SMYD3: variants seen among roughly 807,000 people sequenced by gnomAD.
SMYD3 encodes the protein histone-lysine N-methyltransferase SMYD3.
In SMYD3, 36 loss-of-function variants were observed where a neutral mutation model predicts 57.7. The observed-to-expected ratio is 0.62, with a 90% CI of 0.48 to 0.82. The LOEUF is 0.82. SMYD3 is among the 40% of genes least tolerant of loss of function. The pLI, the probability that SMYD3 is intolerant of heterozygous loss-of-function variation, is 0.00. For missense variants in SMYD3, 515 were observed against 538.8 expected (o/e 0.96, Z 0.44); for synonymous variants, 211 against 195.0 (o/e 1.08, Z -0.68).
At chr1:246,225,483 A>G (rs1220483717) in intron 5 of SMYD3, among the ~76,000 whole-genome samples, 1 of 152,142 alleles carries the variant, frequency 6.6e-6, no homozygotes, top group African/African-American at 2.4e-5. Flanking sequence ...GGTGAGGAAC[A>G]GGGGAGAAGG....
At chr1:245,993,607 T>TAGAC (rs1558566234) in intron 5 of SMYD3, among the ~76,000 whole-genome samples, 4 of 76,706 alleles carry the variant, frequency 5.2e-5, no homozygotes, top group African/African-American at 2.2e-4. Context: ...GATAGATAGA[T>TAGAC]AGATAGATAG....
In SMYD3 at chr1:246,071,857, TTCGTGTGCTTTCCGCTGTGC is replaced by T. The variant is rs1166450827; in HGVS notation, c.532-141940_532-141921del. On this transcript the variant is annotated intron_variant, in intron 5 of 11. Transcript: ENST00000490107. ...GCTTCCTGTTAGTTCTGGGGAGGGATTCGTGTGCTTTCCGCTGTGCTCACTGTCGCTGCATCGTGTTAGTT... is the reference window on the plus strand; with the variant it reads ...GCTTCCTGTTAGTTCTGGGGAGGGATTCACTGTCGCTGCATCGTGTTAGTT... Among the ~76,000 whole-genome samples, 136 of 142,538 alleles carry T rather than the reference TTCGTGTGCTTTCCGCTGTGC, an allele frequency of 9.5e-4. 8 individuals are homozygous for T. Among genetic ancestry groups the T allele is most frequent in the Admixed American group, 2.0e-3 (29 of 14,390 alleles). 93.5% of individuals were successfully genotyped at this position (142,538 alleles called of 152,430 possible).
intron 8 of SMYD3, among the ~76,000 whole-genome samples, chr1:245,895,617 C>G (rs1224957234): frequency 6.6e-6 from 1 of 152,214 alleles, no homozygotes; most frequent in African/African-American, 2.4e-5. Flanking sequence ...TTGAATATAA[C>G]TTTTGCGCTA....
intron 1 of SMYD3, among the ~76,000 whole-genome samples, chr1:246,410,076 A>G (rs1300190072): frequency 6.6e-6 from 1 of 152,166 alleles, no homozygotes; most frequent in Non-Finnish European, 1.5e-5. Context: ...TTGGGCTGAG[A>G]TGATCGGGTT....
intron 1 of SMYD3, among the ~76,000 whole-genome samples, chr1:246,437,042 G>A (rs1034916483): frequency 2.6e-5 from 4 of 151,776 alleles, no homozygotes; most frequent in African/African-American, 4.8e-5. Flanking sequence ...TGGGATTACA[G>A]GCACCCGCCA....
intron 5 of SMYD3, among the ~76,000 whole-genome samples, chr1:246,238,258 T>C (rs1212441566): frequency 2.6e-5 from 4 of 152,118 alleles, no homozygotes; most frequent in Non-Finnish European, 4.4e-5. Flanking sequence ...CTCGAACTCC[T>C]GAGCTCAAGC....
At chr1:245,751,532 A>G (rs12751009) in intron 11 of SMYD3, among the ~76,000 whole-genome samples, 31 of 136,346 alleles carry the variant, frequency 2.3e-4, no homozygotes, top group Admixed American at 4.4e-4. Context: ...GAGAGAGAGA[A>G]AGAGAGAGAA....
chr1:246,072,005 A>T (rs28758466), intron 5 of SMYD3, among the ~76,000 whole-genome samples: 1,479 of 17,600 alleles, frequency 0.084, 213 homozygotes, highest in South Asian at 0.18. Context: ...CTGTGGATGC[A>T]TCGTGTAGTT....
chr1:246,297,706 T>C (rs2064821230), intron 5 of SMYD3, among the ~76,000 whole-genome samples: 1 of 152,176 alleles, frequency 6.6e-6, no homozygotes, highest in African/African-American at 2.4e-5. Flanking sequence ...TATTCTGATG[T>C]ATAAATACCA....
At chr1:246,148,555 G>A (rs567264323) in intron 5 of SMYD3, among the ~76,000 whole-genome samples, 1 of 152,282 alleles carries the variant, frequency 6.6e-6, no homozygotes, top group East Asian at 1.9e-4. Flanking sequence ...ACCAGCCACA[G>A]AGGTTTCCGG....
At chr1:246,335,583 T>A in intron 2 of SMYD3, 109 bp from the exon 3 acceptor site, 1 of 792,060 alleles carries the variant, frequency 1.3e-6, no homozygotes, top group Non-Finnish European at 2.1e-6. Context: ...AGTCCAAATG[T>A]AACTGCACAA....
At chr1:245,825,940 C>T (rs899597041) in intron 10 of SMYD3, among the ~76,000 whole-genome samples, 9 of 147,456 alleles carry the variant, frequency 6.1e-5, no homozygotes, top group Non-Finnish European at 9.0e-5. Flanking sequence ...TCCTAAACGA[C>T]CTTCCTATGA....
intron 5 of SMYD3, among the ~76,000 whole-genome samples, chr1:245,943,375 C>G (rs1384431791): frequency 6.6e-6 from 1 of 152,042 alleles, no homozygotes; most frequent in Non-Finnish European, 1.5e-5. Context: ...TGCAAATAAA[C>G]TAGAAAATCT....
chr1:246,505,636 C>T (rs1228300808), intron 1 of SMYD3, among the ~76,000 whole-genome samples: 1 of 150,446 alleles, frequency 6.6e-6, no homozygotes, highest in Non-Finnish European at 1.5e-5. Context: ...CCCCAAAACT[C>T]TTTCATTAAA....
intron 5 of SMYD3, among the ~76,000 whole-genome samples, chr1:246,023,451 G>A (rs1228950749): frequency 1.3e-5 from 2 of 152,190 alleles, no homozygotes; most frequent in East Asian, 1.9e-4. Context: ...ACCAAGTGTA[G>A]CTGCTTGAAT....
Position 245,749,536 on chromosome 1 carries a change from G to T in SMYD3, c.*27C>A. On this transcript the variant is annotated 3_prime_UTR_variant, in exon 12 of 12. Transcript: ENST00000490107. ...AATAAGGCATTCAACAAAGACACAC[G>T]CCGTATTTCCCTCTGACTGCGTTCC... is the stretch of plus-strand genomic sequence containing the variant. The T allele has an allele frequency of 6.4e-7, 1 of 1,561,884 alleles. No individual in the cohort carries two copies. Among genetic ancestry groups the T allele is most frequent in the Non-Finnish European group, 8.8e-7 (1 of 1,132,594 alleles).
At chr1:246,068,279 G>C (rs999613013) in intron 5 of SMYD3, among the ~76,000 whole-genome samples, 9 of 135,592 alleles carry the variant, frequency 6.6e-5, no homozygotes, top group African/African-American at 2.8e-4. Context: ...TCAAACTACA[G>C]GTCAGCAAAA....
intron 7 of SMYD3, among the ~76,000 whole-genome samples, chr1:245,924,655 C>CTTTT (rs150323644): frequency 2.1e-5 from 2 of 94,684 alleles, no homozygotes; most frequent in African/African-American, 7.6e-5. Flanking sequence ...TCTATTCCAG[C>CTTTT]TTTTTTTTTT....
chr1:246,470,559 A>G (rs964876872), intron 1 of SMYD3, among the ~76,000 whole-genome samples: 8 of 149,654 alleles, frequency 5.3e-5, no homozygotes, highest in African/African-American at 2.0e-4. Flanking sequence ...CATACACTAT[A>G]TATACACACT....
Sources: gnomAD v4.1 joint callset for allele counts (sites outside exome capture counted in the v4.1 genomes callset) on GRCh38, gnomAD v4.1.1 for gene constraint, MANE v1.5 for transcripts, NCBI Gene and HGNC (gene_info 2026-07-23, HGNC 2026-07-21) for gene names.